SEMA5A: variants seen among roughly 807,000 people sequenced by gnomAD.
SEMA5A encodes semaphorin-5A.
Under a neutral mutation model 135.5 loss-of-function variants are expected in SEMA5A, and 55 were observed. The observed-to-expected ratio is 0.41, with a 90% CI of 0.33 to 0.51. The LOEUF is 0.51. Ranked by LOEUF, SEMA5A falls within the 20% of genes least tolerant of loss-of-function variation. The probability of loss-of-function intolerance (pLI) is 0.37; values close to 1 mark genes in which losing one functional copy is unlikely to be tolerated. For missense variants in SEMA5A, 1,290 were observed against 1,419.9 expected (o/e 0.91, Z 1.47); for synonymous variants, 580 against 546.5 (o/e 1.06, Z -0.85).
intron 16 of SEMA5A, among the ~76,000 whole-genome samples, chr5:9,067,385 A>G (rs1482096480): frequency 6.6e-6 from 1 of 152,180 alleles, no homozygotes; most frequent in African/African-American, 2.4e-5. Flanking sequence ...CAATTGCTGC[A>G]GACACAGAGC....
rs374395822 is a variant in SEMA5A at position 9,122,802 on chromosome 5, C to T, written c.1635G>A (p.Val545=). Residue 545 remains valine, a synonymous_variant, in exon 14 of 23, where the codon GTG becomes GTA. Transcript: ENST00000382496. ...RNLTVDGHFG[V]WSPWTPCTHT... ...GCGTGCAAGGCGTCCACGGAGACCACACACCAAAGTGCCCATCCACGGTGA... is the reference window on the plus strand; with the variant it reads ...GCGTGCAAGGCGTCCACGGAGACCATACACCAAAGTGCCCATCCACGGTGA... 2.0e-5 allele frequency: 32 copies of T among 1,609,888 alleles called. No individual in the cohort carries two copies. In the East Asian group the frequency reaches 4.7e-4, roughly 24 times the overall value.
chr5:9,532,721 A>T (rs1164396705), intron 1 of SEMA5A, among the ~76,000 whole-genome samples: 1 of 152,222 alleles, frequency 6.6e-6, no homozygotes, highest in African/African-American at 2.4e-5. Context: ...CACAGAGGGC[A>T]ACTGTATCTT....
intron 3 of SEMA5A, among the ~76,000 whole-genome samples, chr5:9,354,441 C>T (rs889377398): frequency 5.3e-5 from 8 of 152,164 alleles, no homozygotes; most frequent in African/African-American, 1.9e-4. Context: ...GCTTCAGAGA[C>T]CCTTCCTGCT....
chr5:9,211,765 G>A (rs1640437901), intron 8 of SEMA5A, among the ~76,000 whole-genome samples: 6 of 151,990 alleles, frequency 3.9e-5, no homozygotes, highest in Admixed American at 3.9e-4. Context: ...AGACCTCAAG[G>A]GTCTACTTAA....
intron 11 of SEMA5A, among the ~76,000 whole-genome samples, chr5:9,181,259 T>C (rs1169979908): frequency 1.3e-5 from 2 of 152,184 alleles, no homozygotes; most frequent in Non-Finnish European, 2.9e-5. Flanking sequence ...CCATTGGCAG[T>C]AGTAAATATT....
intron 15 of SEMA5A, among the ~76,000 whole-genome samples, chr5:9,116,271 G>A (rs1432213253): frequency 3.3e-5 from 5 of 152,112 alleles, no homozygotes; most frequent in African/African-American, 9.7e-5. Context: ...CAAAGTTTAT[G>A]GAACTACCAC....
In SEMA5A at chr5:9,051,969, C is replaced by T. The variant is rs199614651; in HGVS notation, c.2749G>A (p.Ala917Thr). 113 of 1,613,702 alleles carry T rather than the reference C, an allele frequency of 7.0e-5. 2 individuals carry two copies. In the African/African-American group the frequency reaches 7.9e-4, roughly 11 times the overall value. The change falls in exon 20 of 23, where the codon GCC (alanine) becomes ACC (threonine). Residue 917 changes from alanine to threonine, a missense_variant. Ala to Thr is a moderately conservative substitution (Grantham distance 58). Coordinates refer to ENST00000382496, the MANE Select transcript of SEMA5A (RefSeq NM_003966.3). ...GGGAACAGGAGGATGCACTGGCGGGCGCGGACTTGGACGCCAGAGGCTTCA... is the reference window on the plus strand; with the variant it reads ...GGGAACAGGAGGATGCACTGGCGGGTGCGGACTTGGACGCCAGAGGCTTCA... ...ECEASGVQVRARQCILLFPMG... is the reference protein window; with the variant it reads ...ECEASGVQVRTRQCILLFPMG...
intron 14 of SEMA5A, among the ~76,000 whole-genome samples, chr5:9,120,784 A>AT (rs11458510): frequency 0.23 from 33,158 of 146,112 alleles, 4,627 homozygotes; most frequent in African/African-American, 0.38. Flanking sequence ...ATGTGGATTG[A>AT]TTTTTTTTTT....
intron 3 of SEMA5A, among the ~76,000 whole-genome samples, chr5:9,369,183 A>G (rs1217694402): frequency 6.6e-6 from 1 of 152,162 alleles, no homozygotes; most frequent in East Asian, 1.9e-4. Flanking sequence ...TTAAGTTGTA[A>G]GACTTTATAT....
At chr5:9,125,654 T>C (rs1429409682) in intron 13 of SEMA5A, among the ~76,000 whole-genome samples, 1 of 151,918 alleles carries the variant, frequency 6.6e-6, no homozygotes, top group Non-Finnish European at 1.5e-5. Context: ...AAGAGGAAAA[T>C]ATCCCCATTT....
intron 12 of SEMA5A, among the ~76,000 whole-genome samples, chr5:9,153,709 G>A (rs574324616): frequency 2.0e-5 from 3 of 152,132 alleles, no homozygotes; most frequent in East Asian, 1.9e-4. Flanking sequence ...CGAGAAGGAC[G>A]TATACCTTAT....
At chr5:9,363,494 T>A (rs768286043) in intron 3 of SEMA5A, 1 of 152,172 alleles carries the variant, frequency 6.6e-6, no homozygotes, top group Non-Finnish European at 1.5e-5. Context: ...TGAGAGAAGT[T>A]CTAGAAGGTC....
At chr5:9,242,927 A>T (rs1748282523) in intron 5 of SEMA5A, among the ~76,000 whole-genome samples, 1 of 152,216 alleles carries the variant, frequency 6.6e-6, no homozygotes, top group African/African-American at 2.4e-5. Flanking sequence ...TACCTATGAA[A>T]ATGTGTTATA....
chr5:9,461,306 G>A (rs945799338), intron 1 of SEMA5A, among the ~76,000 whole-genome samples: 2 of 152,038 alleles, frequency 1.3e-5, no homozygotes. Flanking sequence ...AATCTTCCAG[G>A]GTATCTTAAA....
chr5:9,293,637 T>A lies in SEMA5A; in HGVS notation c.270+24735A>T, dbSNP rs947000899. On this transcript the variant is annotated intron_variant, in intron 5 of 22. Transcript: ENST00000382496. ...ATTTTCCTTTCATGCCTGTTGCACT[T>A]GTGTTATTTGATCATCTAATTTCTC... Among the ~76,000 whole-genome samples, 3 of 152,234 alleles carry A rather than the reference T, an allele frequency of 2.0e-5. No individual in the cohort carries two copies. The East Asian group carries it at 5.8e-4, about 29-fold the overall frequency.
rs955691146 is a variant in SEMA5A, at chr5:9,035,372, C to T, written c.*7525G>A. 12 of 152,048 alleles carry T rather than the reference C, an allele frequency of 7.9e-5. No homozygotes were observed. The highest frequency in any genetic ancestry group is 1.6e-4 in the Non-Finnish European group (11 of 67,984). The allele number at this position is 152,048 out of a possible 1,614,324, so 9.4% of individuals were successfully genotyped here. A position where few individuals can be genotyped will look rare whatever the true frequency, so the allele number is the denominator to read the frequency against. On this transcript the variant is annotated 3_prime_UTR_variant, in exon 23 of 23. Coordinates refer to ENST00000382496, the MANE Select transcript of SEMA5A (RefSeq NM_003966.3). Reference sequence around the variant, plus strand: ...ATAGCTATATATTTTTTCTTATAAACGTGTTTGTTTCTCAAAGCTGAGGCT... The same window carrying T: ...ATAGCTATATATTTTTTCTTATAAATGTGTTTGTTTCTCAAAGCTGAGGCT...
chr5:9,545,920 G>C lies in SEMA5A; in HGVS notation c.-511C>G, dbSNP rs1469846625. 8 of 152,502 alleles carry C rather than the reference G, an allele frequency of 5.2e-5. No homozygotes were observed. The East Asian group carries it at 1.6e-3, about 30-fold the overall frequency. The allele number at this position is 152,502 out of a possible 1,614,324, so 9.4% of individuals were successfully genotyped here. On this transcript the variant is annotated 5_prime_UTR_variant, in exon 1 of 23. Transcript: ENST00000382496. This position sits in a 1 kb window ranked among gnomAD's most constrained non-coding sequence, Gnocchi z 4.5. ...GTCCCGGGATGAGCGACACTGGCCGGGCCGCCCCTGCACGGGGAAGGTGGA... is the reference window on the plus strand; with the variant it reads ...GTCCCGGGATGAGCGACACTGGCCGCGCCGCCCCTGCACGGGGAAGGTGGA...
chr5:9,226,124 C>G (rs1326269625), intron 7 of SEMA5A, among the ~76,000 whole-genome samples: 2 of 152,184 alleles, frequency 1.3e-5, no homozygotes, highest in Admixed American at 6.5e-5. Flanking sequence ...CAACTCCTCC[C>G]TTTATTTCCA....
At chr5:9,230,205 G>A (rs1394435692) in intron 6 of SEMA5A, among the ~76,000 whole-genome samples, 1 of 97,526 alleles carries the variant, frequency 1.0e-5, no homozygotes, top group Admixed American at 1.6e-4. Flanking sequence ...TCATTATGTT[G>A]CCCAGGCTGG....
Sources: gnomAD v4.1 joint callset for allele counts (sites outside exome capture counted in the v4.1 genomes callset) on GRCh38, gnomAD v4.1.1 for gene constraint, Gnocchi (gnomAD v3.1) non-coding constraint, MANE v1.5 for transcripts, NCBI Gene and HGNC (gene_info 2026-07-23, HGNC 2026-07-21) for gene names.